Variants in ATP10D observed in about 807,000 individuals in gnomAD.
ATP10D encodes the protein ATPase phospholipid transporting 10D (putative).
Under a neutral mutation model 144.8 loss-of-function variants are expected in ATP10D, and 89 were observed. That is an observed-to-expected ratio of 0.61 (90% CI 0.52 to 0.73). The LOEUF (loss-of-function observed/expected upper bound fraction) is 0.73, where lower values mean the gene tolerates loss of function less well. Among genes scored for constraint, ATP10D ranks in the 30% least tolerant of loss-of-function variants. The pLI, the probability that ATP10D is intolerant of heterozygous loss-of-function variation, is 0.00. For synonymous variants in ATP10D, 571 were observed against 615.1 expected (o/e 0.93, Z 1.06); for missense variants, 1,603 against 1,714.8 (o/e 0.93, Z 1.15).
chr4:47,493,878 A>G (rs904987608), intron 1 of ATP10D, among the ~76,000 whole-genome samples: 4 of 152,162 alleles, frequency 2.6e-5, no homozygotes, highest in African/African-American at 9.7e-5. Flanking sequence ...AAAGCTGGAG[A>G]CCACAGGCTT....
intron 14 of ATP10D, among the ~76,000 whole-genome samples, chr4:47,562,838 T>C (rs1392244063): frequency 6.6e-6 from 1 of 151,866 alleles, no homozygotes; most frequent in South Asian, 2.1e-4. Flanking sequence ...ATATAATATA[T>C]ATATATACAC....
At chr4:47,495,418 T>C (rs1175971313) in intron 1 of ATP10D, among the ~76,000 whole-genome samples, 2 of 152,158 alleles carry the variant, frequency 1.3e-5, no homozygotes, top group East Asian at 3.8e-4. Flanking sequence ...GGCTTCATGA[T>C]TATATGAAGT....
intron 1 of ATP10D, among the ~76,000 whole-genome samples, chr4:47,496,683 CTT>C (rs796210737): frequency 2.3e-4 from 35 of 151,754 alleles, no homozygotes; most frequent in African/African-American, 8.0e-4. Context: ...GTCTTAAATT[CTT>C]TTTTTTAGGT....
chr4:47,565,059 CGCCATTCTCCT>C (rs1719541067), intron 15 of ATP10D, among the ~76,000 whole-genome samples: 1 of 152,182 alleles, frequency 6.6e-6, no homozygotes, highest in Non-Finnish European at 1.5e-5. Flanking sequence ...CCCGGGTTCA[CGCCATTCTCCT>C]GCCTCAGCCT....
chr4:47,563,640 C>A lies in ATP10D; in HGVS notation c.2728C>A (p.His910Asn), dbSNP rs147847026. Residue 910 changes from histidine (H) to asparagine (N), a missense_variant, in exon 15 of 23, where the codon CAC becomes AAC. Coordinates refer to ENST00000273859, the MANE Select transcript of ATP10D (RefSeq NM_020453.4). ...AGTCCCTGAATCTATAGAAGCTCTT[C>A]ACAAAGCGGGCATCAAGATCTGGAT... ...EGVPESIEAL[H>N]KAGIKIWMLT... 29 of 1,613,808 alleles carry A rather than the reference C, an allele frequency of 1.8e-5. No individual in the cohort carries two copies. In the African/African-American group the frequency reaches 3.5e-4, roughly 19 times the overall value.
intron 15 of ATP10D, among the ~76,000 whole-genome samples, chr4:47,565,931 G>T (rs73238606): frequency 0.17 from 25,208 of 152,124 alleles, 2,537 homozygotes; most frequent in East Asian, 0.5. Context: ...TAACTAAACA[G>T]AATACAACAA....
chr4:47,531,369 A>G (rs1002825970), intron 5 of ATP10D, among the ~76,000 whole-genome samples: 32 of 152,152 alleles, frequency 2.1e-4, no homozygotes, highest in African/African-American at 7.5e-4. Context: ...ATAAAGTGAA[A>G]AGAATGGCTG....
intron 10 of ATP10D, among the ~76,000 whole-genome samples, chr4:47,553,030 T>G (rs764862227): frequency 6.6e-5 from 10 of 152,230 alleles, no homozygotes; most frequent in Non-Finnish European, 1.0e-4. Context: ...AAGGATGCCA[T>G]TGGAAATATT....
intron 16 of ATP10D, among the ~76,000 whole-genome samples, chr4:47,571,156 T>A (rs1391688744): frequency 6.6e-6 from 1 of 152,044 alleles, no homozygotes; most frequent in Non-Finnish European, 1.5e-5. Context: ...ATTATCTTGT[T>A]GAATAAACAG....
Position 47,557,799 on chromosome 4 carries a change from A to C in ATP10D, c.1960A>C (p.Asn654His). 5 of 1,614,122 alleles carry C rather than the reference A, an allele frequency of 3.1e-6. No individual in the cohort carries two copies. The highest frequency in any genetic ancestry group is 4.2e-6 in the Non-Finnish European group (5 of 1,180,014). Residue 654 changes from asparagine to histidine, a missense_variant, in exon 12 of 23, where the codon AAC becomes CAC. Physicochemically the swap from Asn to His is moderately conservative, Grantham distance 68. Coordinates refer to ENST00000273859, the MANE Select transcript of ATP10D (RefSeq NM_020453.4). ...SGKEPSSGVP[N>H]AFVSRLPLFS... is the part of the protein sequence containing the mutation. The stretch of plus-strand genomic sequence containing the variant: ...GAAAGAGCCATCTTCTGGAGTTCCA[A>C]ACGCCTTTGTGAGCAGACTCCCTCT...
rs542763097 is a variant in ATP10D at position 47,591,538 on chromosome 4, A to G, written c.*157A>G. On this transcript the variant is annotated 3_prime_UTR_variant, in exon 23 of 23. Transcript: ENST00000273859. ...ATGATGAGCATTATTGTATGTTTGT[A>G]TATACATTTGTGATAGAGGGCTAGA... 2.4e-5 allele frequency: 14 copies of G among 594,078 alleles called. No individual in the cohort carries two copies. The highest frequency in any genetic ancestry group is 3.4e-4 in the Middle Eastern group (1 of 2,930). 36.8% of individuals were successfully genotyped at this position (594,078 alleles called of 1,614,324 possible).
chr4:47,501,951 C>T (rs2109390637), intron 1 of ATP10D, among the ~76,000 whole-genome samples: 1 of 152,250 alleles, frequency 6.6e-6, no homozygotes, highest in South Asian at 2.1e-4. Flanking sequence ...GGTCAAAACA[C>T]AGTATTGCTG....
intron 10 of ATP10D, among the ~76,000 whole-genome samples, chr4:47,549,509 A>G: frequency 6.6e-6 from 1 of 152,266 alleles, no homozygotes; most frequent in East Asian, 1.9e-4. Context: ...TAGATTAGCA[A>G]TAAATATTTA....
intron 19 of ATP10D, among the ~76,000 whole-genome samples, chr4:47,577,454 C>T (rs1720293216): frequency 6.6e-6 from 1 of 152,132 alleles, no homozygotes; most frequent in Admixed American, 6.5e-5. Context: ...AATTCTGGTT[C>T]TGTGGTATGT....
Position 47,554,856 on chromosome 4 carries a change from T to C in ATP10D, c.1766T>C (p.Ile589Thr). ...ACTTTGTACATTATCGACTTTTTCA[T>C]TGCATTGGCAATTTGCAACACAGTA... ...METLYIIDFFIALAICNTVVV... is the reference protein window; with the variant it reads ...METLYIIDFFTALAICNTVVV... Residue 589 changes from isoleucine to threonine, a missense_variant, in exon 11 of 23, where the codon ATT becomes ACT. Transcript: ENST00000273859. 1 of 1,614,182 alleles carries C rather than the reference T, an allele frequency of 6.2e-7. No homozygotes were observed. Among genetic ancestry groups the C allele is most frequent in the Non-Finnish European group, 8.5e-7 (1 of 1,180,014 alleles).
At chr4:47,576,639 T>C (rs1476019630) in intron 18 of ATP10D, 134 bp from the exon 19 acceptor site, 8 of 771,552 alleles carry the variant, frequency 1.0e-5, no homozygotes, top group South Asian at 8.5e-5. Flanking sequence ...GCAAGGTAAA[T>C]TGTGGTCCTA....
At chr4:47,508,055 T>G (rs1411504148) in intron 1 of ATP10D, among the ~76,000 whole-genome samples, 1 of 152,140 alleles carries the variant, frequency 6.6e-6, no homozygotes, top group Admixed American at 6.5e-5. Flanking sequence ...AATCAGAATC[T>G]CCAGGGGAGA....
intron 1 of ATP10D, among the ~76,000 whole-genome samples, chr4:47,508,565 A>T (rs1053250619): frequency 6.6e-6 from 1 of 152,262 alleles, no homozygotes; most frequent in East Asian, 1.9e-4. Flanking sequence ...AAGAAATGTG[A>T]TTTGTCAAAA....
intron 5 of ATP10D, among the ~76,000 whole-genome samples, chr4:47,530,409 T>A (rs1252952919): frequency 1.3e-5 from 2 of 151,984 alleles, no homozygotes; most frequent in African/African-American, 4.8e-5. Context: ...ATTGAAATGA[T>A]TATGTGGGTT....
Sources: allele counts gnomAD v4.1 joint callset (sites outside exome capture counted in the v4.1 genomes callset), GRCh38; gene constraint gnomAD v4.1.1; transcripts MANE v1.5; gene names NCBI Gene and HGNC (gene_info 2026-07-23, HGNC 2026-07-21).